Variants in ARMC5 observed in about 807,000 individuals in gnomAD.
The protein encoded by ARMC5 is armadillo repeat containing 5.
Under a neutral mutation model 60.5 loss-of-function variants are expected in ARMC5, and 28 were observed. The ratio of observed to expected loss-of-function variants is 0.46; its 90% CI spans 0.34 to 0.63. The LOEUF (loss-of-function observed/expected upper bound fraction) is 0.63. Among genes scored for constraint, ARMC5 ranks in the 30% least tolerant of loss-of-function variants. The probability of loss-of-function intolerance (pLI) is 0.01; values close to 1 mark genes in which losing one functional copy is unlikely to be tolerated. For missense variants in ARMC5, 1,189 were observed against 1,304.9 expected (o/e 0.91, Z 1.37); for synonymous variants, 680 against 607.3 (o/e 1.12, Z -1.76).
rs1270743882 is a variant in ARMC5 at position 31,464,684 on chromosome 16, A to G, written c.1661A>G (p.Tyr554Cys). Residue 554 changes from tyrosine (Y) to cysteine (C), a missense_variant, in exon 4 of 6, where the codon TAT (tyrosine) becomes TGT (cysteine). Around this residue, in one of 2 missense-constraint regions of ARMC5, gnomAD observed 862 missense variants for 1,071.2 expected, o/e 0.80. Coordinates refer to ENST00000268314, the MANE Select transcript of ARMC5 (RefSeq NM_001105247.2). The surrounding 1 kb of genome is among the most constrained non-coding windows in gnomAD (Gnocchi z 7.6). ...CCGGCGCTGTACGGCCTGCTGACCT[A>G]TGTGACCGGCGCACCGGGCCCGCCC... ...TGPALYGLLT[Y>C]VTGAPGPPSP... is the part of the protein sequence containing the mutation. The G allele has an allele frequency of 6.3e-7, 1 of 1,598,414 alleles. No individual in the cohort carries two copies.
At position 31,467,087 on chromosome 16, in the gene ARMC5, G is replaced by A; in HGVS notation, c.*198G>A. 8 of 640,300 alleles carry A rather than the reference G, an allele frequency of 1.2e-5. No homozygotes were observed. The highest frequency in any genetic ancestry group is 1.9e-5 in the Non-Finnish European group (8 of 415,084). 39.7% of individuals were successfully genotyped at this position (640,300 alleles called of 1,614,324 possible). Reference sequence around the variant, plus strand: ...CCAGGTTCTGGGTGTAGGGCCCAGAGAAGCAGAACAGCCCAGAGCCCCAGG... The same window carrying A: ...CCAGGTTCTGGGTGTAGGGCCCAGAAAAGCAGAACAGCCCAGAGCCCCAGG... On this transcript the variant is annotated 3_prime_UTR_variant, in exon 6 of 6. Transcript: ENST00000268314.
chr16:31,464,181 T>C lies in ARMC5; in HGVS notation c.1371-213T>C, dbSNP rs1596604492. Among the ~76,000 whole-genome samples the C allele has an allele frequency of 6.6e-6, 1 of 151,746 alleles. No individual in the cohort carries two copies. The highest frequency in any genetic ancestry group is 1.9e-4 in the East Asian group (1 of 5,184). On this transcript the variant is annotated intron_variant, in intron 3 of 5. Coordinates refer to ENST00000268314, the MANE Select transcript of ARMC5 (RefSeq NM_001105247.2). The surrounding 1 kb of genome is among the most constrained non-coding windows in gnomAD (Gnocchi z 7.6). ...TGCACACAGCTGTAGTGCCAGCTAC[T>C]TGGGAGGCTGAGGTGGGAGGATCAC...
upstream of ARMC5, chr16:31,458,864 C>T: frequency 6.5e-7 from 1 of 1,535,478 alleles, no homozygotes; most frequent in Non-Finnish European, 8.7e-7. Flanking sequence ...ATGCCAGCTC[C>T]TGAGCTCACG....
intron 4 of ARMC5, 65 bp from the exon 5 acceptor site, chr16:31,465,785 C>A: frequency 2.5e-6 from 4 of 1,597,084 alleles, no homozygotes; most frequent in Non-Finnish European, 3.4e-6. Flanking sequence ...GGCCCAGAGC[C>A]CTGTCTCACT....
At chr16:31,458,498 A>C, upstream of ARMC5, 1 of 1,535,726 alleles carries the variant, frequency 6.5e-7, no homozygotes, top group East Asian at 2.4e-5. Context: ...TAACCCGGAC[A>C]ACGGTAAGGC....
At chr16:31,463,247 G>C (rs1026377588) in intron 3 of ARMC5, among the ~76,000 whole-genome samples, 1 of 151,714 alleles carries the variant, frequency 6.6e-6, no homozygotes, top group African/African-American at 2.4e-5. Flanking sequence ...TACAGGTGCC[G>C]GCCACCACTC....
At chr16:31,461,662 C>G (rs770002406) in intron 1 of ARMC5, among the ~76,000 whole-genome samples, 3 of 152,220 alleles carry the variant, frequency 2.0e-5, no homozygotes, top group Non-Finnish European at 4.4e-5. Context: ...CGTGTACCAC[C>G]ATGCCCAGAT....
chr16:31,459,490 C>T (rs202112554), upstream of ARMC5: 858 of 1,580,084 alleles, frequency 5.4e-4, 4 homozygotes, highest in African/African-American at 0.01. Flanking sequence ...GGATCAGCGG[C>T]GAGAAGCGGG....
In ARMC5 at chr16:31,466,613, G is replaced by A. The variant is rs764688919; in HGVS notation, c.2532G>A (p.Leu844=). 2 of 1,604,134 alleles carry A rather than the reference G, an allele frequency of 1.2e-6. No individual in the cohort carries two copies. The highest frequency in any genetic ancestry group is 2.7e-5 in the African/African-American group (2 of 74,814). ...EALEAAGRFL[L]PGLEEELEEA... ...TGGAGGCTGCTGGCCGTTTCCTACTGCCTGGGCTGGAGGAGGAGCTGGAAG... is the reference window on the plus strand; with the variant it reads ...TGGAGGCTGCTGGCCGTTTCCTACTACCTGGGCTGGAGGAGGAGCTGGAAG... The change falls in exon 6 of 6, where the codon CTG becomes CTA. Residue 844 remains leucine, a synonymous_variant. Coordinates refer to ENST00000268314, the MANE Select transcript of ARMC5 (RefSeq NM_001105247.2). The surrounding 1 kb of genome is among the most constrained non-coding windows in gnomAD (Gnocchi z 8.0).
In ARMC5 at chr16:31,459,773, C is replaced by A. The variant is rs1165006192; in HGVS notation, c.249C>A (p.Ala83=). 1 of 1,540,324 alleles carries A rather than the reference C, an allele frequency of 6.5e-7. No homozygotes were observed. Among genetic ancestry groups the A allele is most frequent in the Non-Finnish European group, 8.7e-7 (1 of 1,150,432 alleles). ...LLRRAAAAGS[A]PSQAGPGSAP... is the part of the protein sequence containing the mutation. Reference sequence around the variant, plus strand: ...GGCGAGCGGCTGCAGCGGGTTCCGCCCCGTCCCAGGCAGGCCCCGGCTCCG... The same window carrying A: ...GGCGAGCGGCTGCAGCGGGTTCCGCACCGTCCCAGGCAGGCCCCGGCTCCG... The change falls in exon 1 of 6, where the codon GCC becomes GCA. Residue 83 remains alanine, a synonymous_variant. Transcript: ENST00000268314.
At chr16:31,458,763 G>A (rs1034355765), upstream of ARMC5, 2 of 1,490,734 alleles carry the variant, frequency 1.3e-6, no homozygotes, top group African/African-American at 2.8e-5. Flanking sequence ...CGAATGTCCC[G>A]CTCCCCCGCC....
chr16:31,465,845 C>G lies in ARMC5; in HGVS notation c.1865-5C>G, dbSNP rs1238323260. The G allele has an allele frequency of 1.9e-6, 3 of 1,608,792 alleles. No individual in the cohort carries two copies. The highest frequency in any genetic ancestry group is 1.7e-5 in the Admixed American group (1 of 59,998). ...TTCCCAGCCTGACAAGCTTTCCACT[C>G]ACAGGGGAGAGGCTACTGCAGAACC... is the stretch of plus-strand genomic sequence containing the variant. On this transcript the variant is annotated splice_polypyrimidine_tract_variant and splice_region_variant and intron_variant, in intron 4 of 5. Transcript: ENST00000268314.
At position 31,466,025 on chromosome 16, in the gene ARMC5, C is replaced by T. The variant is rs2082354601; in HGVS notation, c.1997+43C>T. Reference sequence around the variant, plus strand: ...GCCTTGCGGGGTTGGGGGAGGAGTGCTGTGTTTCCCAGGCCCGTTGCCCAC... The same window carrying T: ...GCCTTGCGGGGTTGGGGGAGGAGTGTTGTGTTTCCCAGGCCCGTTGCCCAC... On this transcript the variant is annotated intron_variant, in intron 5 of 5. Transcript: ENST00000268314. This position sits in a 1 kb window ranked among gnomAD's most constrained non-coding sequence, Gnocchi z 8.0. 1.9e-6 allele frequency: 3 copies of T among 1,594,432 alleles called. No individual in the cohort carries two copies. Among genetic ancestry groups the T allele is most frequent in the East Asian group, 2.2e-5 (1 of 44,784 alleles).
Position 31,459,568 on chromosome 16 carries a change from G to A in ARMC5, c.44G>A (p.Cys15Tyr). 6.2e-7 allele frequency: 1 copy of A among 1,605,298 alleles called. No individual in the cohort carries two copies. Among genetic ancestry groups the A allele is most frequent in the Middle Eastern group, 1.7e-4 (1 of 6,058 alleles). The change falls in exon 1 of 6, where the codon TGC becomes TAC. Residue 15 changes from cysteine (C) to tyrosine (Y), a missense_variant. Around this residue, in one of 2 missense-constraint regions of ARMC5, gnomAD observed 327 missense variants for 233.7 expected, o/e 1.40. Coordinates refer to ENST00000268314, the MANE Select transcript of ARMC5 (RefSeq NM_001105247.2). ...ACCCTCACGGACTCGCTCTCGTTCT[G>A]CCTCGCGCAGCTCGCGGCGGCGGCC... ...KPTLTDSLSF[C>Y]LAQLAAAAGE... is the part of the protein sequence containing the mutation.
chr16:31,461,888 G>T, intron 1 of ARMC5, 34 bp from the exon 2 acceptor site: 1 of 1,581,656 alleles, frequency 6.3e-7, no homozygotes, highest in Non-Finnish European at 8.7e-7. Flanking sequence ...ACAGTAAGGG[G>T]TAGAACCCTC....
chr16:31,466,784 C>A lies in ARMC5; in HGVS notation c.2703C>A (p.Ala901=). 6.3e-7 allele frequency: 1 copy of A among 1,584,474 alleles called. No individual in the cohort carries two copies. Among genetic ancestry groups the A allele is most frequent in the Non-Finnish European group, 8.6e-7 (1 of 1,166,856 alleles). The part of the protein sequence containing the change: ...SEQCPRKRGL[A]LVGLVEAAGE... ...AGTGCCCGAGGAAGCGGGGTCTGGC[C>A]CTGGTGGGGCTTGTGGAGGCAGCAG... Residue 901 remains alanine, a synonymous_variant, in exon 6 of 6, where the codon GCC becomes GCA. Coordinates refer to ENST00000268314, the MANE Select transcript of ARMC5 (RefSeq NM_001105247.2). This position sits in a 1 kb window ranked among gnomAD's most constrained non-coding sequence, Gnocchi z 8.0.
chr16:31,458,846 T>C, upstream of ARMC5: 2 of 1,534,822 alleles, frequency 1.3e-6, no homozygotes, highest in Non-Finnish European at 1.7e-6. Context: ...GAACTCCCCG[T>C]TTCCTAGATG....
Position 31,462,104 on chromosome 16 carries a change from C to T in ARMC5, c.584-27C>T, listed in dbSNP as rs1450355808. ...GCTTGAGTGTCTGTCCTTGTTCACC[C>T]TCTGTGCTCCCCTTTCCTGCCCTCA... On this transcript the variant is annotated intron_variant, in intron 2 of 5. Transcript: ENST00000268314. The surrounding 1 kb of genome is among the most constrained non-coding windows in gnomAD (Gnocchi z 7.2). 6 of 1,612,652 alleles carry T rather than the reference C, an allele frequency of 3.7e-6. No homozygotes were observed. The highest frequency in any genetic ancestry group is 4.5e-5 in the East Asian group (2 of 44,842).
chr16:31,464,879 G>A lies in ARMC5; in HGVS notation c.1856G>A (p.Arg619Gln), dbSNP rs377492831. 152 of 1,603,032 alleles carry A rather than the reference G, an allele frequency of 9.5e-5. No homozygotes were observed. Among genetic ancestry groups the A allele is most frequent in the Non-Finnish European group, 1.2e-4 (145 of 1,179,360 alleles). ...RARPTLHSRHRELGERLLQNL... is the reference protein window; with the variant it reads ...RARPTLHSRHQELGERLLQNL... ...CGGCCCACTCTCCACAGCCGGCACC[G>A]AGAGCTGGGTGAGTTCCCATACCCA... is the stretch of plus-strand genomic sequence containing the variant. Residue 619 changes from arginine to glutamine, a missense_variant, in exon 4 of 6, where the codon CGA (arginine) becomes CAA (glutamine). Around this residue, in one of 2 missense-constraint regions of ARMC5, gnomAD observed 862 missense variants for 1,071.2 expected, o/e 0.80. Coordinates refer to ENST00000268314, the MANE Select transcript of ARMC5 (RefSeq NM_001105247.2). The surrounding 1 kb of genome is among the most constrained non-coding windows in gnomAD (Gnocchi z 7.6).
Sources: allele counts gnomAD v4.1 joint callset (sites outside exome capture counted in the v4.1 genomes callset), GRCh38; gene constraint gnomAD v4.1.1; regional missense constraint gnomAD v4.1.1; non-coding constraint Gnocchi (gnomAD v3.1); transcripts MANE v1.5; gene names NCBI Gene and HGNC (gene_info 2026-07-23, HGNC 2026-07-21).